The following JAK1 variants were observed in gnomAD, a reference collection of about 807,000 sequenced individuals.
The protein encoded by JAK1 is Janus kinase 1.
In JAK1, 16 loss-of-function variants were observed where a neutral mutation model predicts 136.6. That is an observed-to-expected ratio of 0.12 (90% confidence interval 0.08 to 0.18). The LOEUF is 0.18. Ranked by LOEUF, JAK1 falls within the 10% of genes least tolerant of loss-of-function variation. The pLI, the probability that JAK1 is intolerant of heterozygous loss-of-function variation, is 1.00. For synonymous variants in JAK1, 492 were observed against 519.5 expected (o/e 0.95, Z 0.72); for missense variants, 859 against 1,450.1 (o/e 0.59, Z 6.62).
intron 1 of JAK1, among the ~76,000 whole-genome samples, chr1:65,055,960 G>A (rs1399457148): frequency 6.6e-6 from 1 of 152,200 alleles, no homozygotes; most frequent in Non-Finnish European, 1.5e-5. Flanking sequence ...TAGTAACGGG[G>A]AAAACAGGAA....
chr1:64,857,505 C>A, intron 10 of JAK1, 151 bp downstream of exon 10: 1 of 1,023,774 alleles, frequency 9.8e-7, no homozygotes, highest in Non-Finnish European at 1.4e-6. Flanking sequence ...GAGCAGGGGC[C>A]CTTGCCTGAC....
At chr1:64,918,941 T>A (rs1157977284) in intron 1 of JAK1, among the ~76,000 whole-genome samples, 1 of 152,228 alleles carries the variant, frequency 6.6e-6, no homozygotes, top group Non-Finnish European at 1.5e-5. Context: ...AAGAAAAATT[T>A]ATAAGTATCT....
At chr1:64,837,556 T>C (rs1055982242) in intron 22 of JAK1, among the ~76,000 whole-genome samples, 1 of 152,228 alleles carries the variant, frequency 6.6e-6, no homozygotes, top group Non-Finnish European at 1.5e-5. Context: ...CACTCTGTCC[T>C]ACAGCCTCCC....
At chr1:64,889,611 A>C (rs1216594842) in intron 1 of JAK1, among the ~76,000 whole-genome samples, 2 of 152,222 alleles carry the variant, frequency 1.3e-5, no homozygotes, top group Non-Finnish European at 2.9e-5. Context: ...CAAGGGAAAA[A>C]ATAAAAGAAA....
intron 23 of JAK1, 75 bp downstream of exon 23, chr1:64,836,021 CAA>C (rs1654458517): frequency 3.8e-6 from 3 of 796,532 alleles, no homozygotes; most frequent in African/African-American, 3.5e-5. Flanking sequence ...CATTTAAAAA[CAA>C]AAGTTAACCA....
intron 1 of JAK1, among the ~76,000 whole-genome samples, chr1:64,931,963 G>GA (rs1645701652): frequency 6.6e-6 from 1 of 151,690 alleles, no homozygotes; most frequent in African/African-American, 2.4e-5. Context: ...AGGAGGGGGG[G>GA]GGATATTCAA....
At chr1:65,056,992 G>A (rs1647575181) in intron 1 of JAK1, among the ~76,000 whole-genome samples, 1 of 151,070 alleles carries the variant, frequency 6.6e-6, no homozygotes, top group Non-Finnish European at 1.5e-5. Context: ...CTCTGTGGTA[G>A]GTAGGTTCAA....
At chr1:64,970,212 G>C (rs1231052339), upstream of JAK1, among the ~76,000 whole-genome samples, 1 of 148,748 alleles carries the variant, frequency 6.7e-6, no homozygotes, top group Non-Finnish European at 1.5e-5. Flanking sequence ...GCCAAGACGG[G>C]GTGGATTGCT....
intron 7 of JAK1, among the ~76,000 whole-genome samples, chr1:64,866,516 T>C (rs530609210): frequency 3.3e-5 from 5 of 152,344 alleles, no homozygotes; most frequent in Non-Finnish European, 5.9e-5. Flanking sequence ...ATGGAGATAA[T>C]AGCAATACTT....
At chr1:64,889,405 C>T (rs968784414) in intron 1 of JAK1, among the ~76,000 whole-genome samples, 17 of 151,976 alleles carry the variant, frequency 1.1e-4, no homozygotes, top group Non-Finnish European at 1.9e-4. Context: ...TTCTTCCACC[C>T]GAATTTATTT....
In JAK1 at chr1:64,857,685, T is replaced by A; in HGVS notation, c.1429A>T (p.Met477Leu). Residue 477 changes from methionine to leucine, a missense_variant, in exon 10 of 25, where the codon ATG becomes TTG. Physicochemically the swap from Met to Leu is conservative, Grantham distance 15 (BLOSUM62 2). This residue lies in a region of JAK1 where 409 missense variants were observed against 753.8 expected (regional missense o/e 0.54). Transcript: ENST00000342505. ...GACTTCTCAAAGCAGGTGACGGTCA[T>A]GAGGATGTTGTCAAAGTCGGTGCAG... ...WSCTDFDNIL[M>L]TVTCFEKSEQ... is the part of the protein sequence containing the mutation. 1 of 1,614,198 alleles carries A rather than the reference T, an allele frequency of 6.2e-7. No individual in the cohort carries two copies. Among genetic ancestry groups the A allele is most frequent in the Middle Eastern group, 1.7e-4 (1 of 6,060 alleles).
intron 1 of JAK1, among the ~76,000 whole-genome samples, chr1:64,923,342 C>G (rs1399840873): frequency 6.6e-6 from 1 of 152,190 alleles, no homozygotes; most frequent in Non-Finnish European, 1.5e-5. Flanking sequence ...CTTCATTATT[C>G]TAACTCATTA....
chr1:64,932,659 C>T (rs1407580526), intron 1 of JAK1, among the ~76,000 whole-genome samples: 1 of 152,082 alleles, frequency 6.6e-6, no homozygotes, highest in Non-Finnish European at 1.5e-5. Context: ...AAAGATAGTA[C>T]ACAGAATTCC....
chr1:65,020,293 AAAGTGGTTGTGCT>A (rs1332152045), intron 2 of JAK1, among the ~76,000 whole-genome samples: 1 of 151,944 alleles, frequency 6.6e-6, no homozygotes, highest in African/African-American at 2.4e-5. Flanking sequence ...ACACTCTTTC[AAAGTGGTTGTGCT>A]AATTTATACT....
chr1:64,919,962 C>G (rs1174060936), intron 1 of JAK1, among the ~76,000 whole-genome samples: 1 of 151,920 alleles, frequency 6.6e-6, no homozygotes, highest in Non-Finnish European at 1.5e-5. Context: ...AGCACAGGGC[C>G]TGGCACAGAG....
chr1:64,845,342 C>A (rs182441338), intron 15 of JAK1, among the ~76,000 whole-genome samples, 171 bp downstream of exon 15: 1 of 152,192 alleles, frequency 6.6e-6, no homozygotes, highest in Non-Finnish European at 1.5e-5. Context: ...CGGCCCCAAA[C>A]GACCATCTTC....
intron 1 of JAK1, among the ~76,000 whole-genome samples, chr1:64,890,187 C>G (rs569069813): frequency 6.6e-6 from 1 of 151,812 alleles, no homozygotes; most frequent in Non-Finnish European, 1.5e-5. Flanking sequence ...TTTCAGCAGG[C>G]AGCAGTCTTA....
chr1:64,947,007 G>A (rs563020894), intron 1 of JAK1, among the ~76,000 whole-genome samples: 47 of 152,312 alleles, frequency 3.1e-4, no homozygotes, highest in African/African-American at 1.0e-3. Flanking sequence ...AGCCAGAGTA[G>A]TCAAATCCAT....
rs558052138 is a variant in JAK1 at position 64,957,334 on chromosome 1, G to T, written c.-78+8999C>A. On this transcript the variant is annotated intron_variant, in intron 1 of 24. Coordinates refer to ENST00000342505, the MANE Select transcript of JAK1 (RefSeq NM_002227.4). ...CATTATAAGGCCCAAAAGTAATAAA[G>T]CACATAAGGCCCTGCTTGACCAGGT... is the stretch of plus-strand genomic sequence containing the variant. Among the ~76,000 whole-genome samples the T allele has an allele frequency of 2.0e-5, 3 of 152,296 alleles. No homozygotes were observed. In the South Asian group the frequency reaches 6.2e-4, roughly 32 times the overall value.
Sources: allele counts gnomAD v4.1 joint callset (sites outside exome capture counted in the v4.1 genomes callset), GRCh38; gene constraint gnomAD v4.1.1; regional missense constraint gnomAD v4.1.1; transcripts MANE v1.5; gene names NCBI Gene and HGNC (gene_info 2026-07-23, HGNC 2026-07-21).